The following KCNQ1OT1 variants were observed in gnomAD, a reference collection of about 807,000 sequenced individuals.
KCNQ1OT1 encodes the protein KCNQ1 antisense RNA 2 (non-protein coding).
exon 1 of KCNQ1OT1, chr11:2,637,598 T>G (rs1458434893): frequency 6.6e-6 from 1 of 152,226 alleles, no homozygotes; most frequent in Admixed American, 6.5e-5. Context: ...AGTGCTTTAC[T>G]TCCAATTATG....
exon 1 of KCNQ1OT1, chr11:2,684,177 C>T (rs1351781046): frequency 2.5e-6 from 1 of 398,502 alleles, no homozygotes; most frequent in Non-Finnish European, 4.4e-6. Flanking sequence ...AGAGAAGCGC[C>T]CACTGGGGCT....
Position 2,676,551 on chromosome 11 carries a change from C to A in KCNQ1OT1, n.23444G>T. ...ATAGAGGTAGTGGTACAGGAAAGGT[C>A]TAAGAAGGCTAAGGACCATCATACT... On this transcript the variant is annotated non_coding_transcript_exon_variant, in exon 1 of 1. Coordinates refer to ENST00000597346, the Ensembl canonical transcript of KCNQ1OT1. This position sits in a 1 kb window ranked among gnomAD's most constrained non-coding sequence, Gnocchi z 4.2. The A allele has an allele frequency of 2.5e-6, 1 of 398,602 alleles. No individual in the cohort carries two copies. Among genetic ancestry groups the A allele is most frequent in the Non-Finnish European group, 4.4e-6 (1 of 226,066 alleles). 24.7% of individuals were successfully genotyped at this position (398,602 alleles called of 1,614,324 possible).
Position 2,687,158 on chromosome 11 carries a change from C to T in KCNQ1OT1, n.12837G>A, listed in dbSNP as rs960248508. On this transcript the variant is annotated non_coding_transcript_exon_variant, in exon 1 of 1. Coordinates refer to ENST00000597346, the Ensembl canonical transcript of KCNQ1OT1. This position sits in a 1 kb window ranked among gnomAD's most constrained non-coding sequence, Gnocchi z 5.0. ...GAGGAATCTGAGCCAGCTTCCTCCA[C>T]AAAGCACAGAAGTCTGCCAAAAGCC... 6 of 398,532 alleles carry T rather than the reference C, an allele frequency of 1.5e-5. No homozygotes were observed. Among genetic ancestry groups the T allele is most frequent in the Non-Finnish European group, 2.2e-5 (5 of 226,094 alleles). The allele number at this position is 398,532 out of a possible 1,614,324, so 24.7% of individuals were successfully genotyped here. A position where few individuals can be genotyped will look rare whatever the true frequency, so the allele number is the denominator to read the frequency against.
chr11:2,669,771 G>C lies in KCNQ1OT1; in HGVS notation n.30224C>G. 1 of 398,662 alleles carries C rather than the reference G, an allele frequency of 2.5e-6. No individual in the cohort carries two copies. The allele number at this position is 398,662 out of a possible 1,614,324, so 24.7% of individuals were successfully genotyped here. ...AGCATAGAATGTCTCTTTGTGATGGGAGATCCTGTGGGGACATTCCTTATT... is the reference window on the plus strand; with the variant it reads ...AGCATAGAATGTCTCTTTGTGATGGCAGATCCTGTGGGGACATTCCTTATT... On this transcript the variant is annotated non_coding_transcript_exon_variant, in exon 1 of 1. Transcript: ENST00000597346. The surrounding 1 kb of genome is among the most constrained non-coding windows in gnomAD (Gnocchi z 5.6).
At chr11:2,643,556 C>T (rs1473364577) in exon 1 of KCNQ1OT1, 14 of 398,334 alleles carry the variant, frequency 3.5e-5, no homozygotes, top group African/African-American at 4.1e-5. Flanking sequence ...AGGTGAGATG[C>T]GTTTCTTGTA....
exon 1 of KCNQ1OT1, chr11:2,693,909 C>T (rs1850630675): frequency 5.0e-6 from 2 of 398,670 alleles, no homozygotes; most frequent in Non-Finnish European, 4.4e-6. Flanking sequence ...CTGGAGTGTA[C>T]TGCAAACCTG....
rs1850651600 is a variant in KCNQ1OT1, at chr11:2,695,056, A to G, written n.4939T>C. On this transcript the variant is annotated non_coding_transcript_exon_variant, in exon 1 of 1. Transcript: ENST00000597346. This position sits in a 1 kb window ranked among gnomAD's most constrained non-coding sequence, Gnocchi z 5.2. ...GCAGGGCAGATCTTGTAAAAACCTG[A>G]TGGAATTTGAATTTTATTTCCTAGA... is the stretch of plus-strand genomic sequence containing the variant. The G allele has an allele frequency of 2.5e-6, 1 of 398,620 alleles. No individual in the cohort carries two copies. The highest frequency in any genetic ancestry group is 4.4e-6 in the Non-Finnish European group (1 of 226,062). 24.7% of individuals were successfully genotyped at this position (398,620 alleles called of 1,614,324 possible).
chr11:2,615,032 T>A, exon 1 of KCNQ1OT1: 1 of 398,382 alleles, frequency 2.5e-6, no homozygotes, highest in Admixed American at 4.4e-5. Context: ...GAACACAGGA[T>A]GTATAGTTCT....
Position 2,623,527 on chromosome 11 carries a change from GT to G in KCNQ1OT1, n.76467del, listed in dbSNP as rs79191840. On this transcript the variant is annotated non_coding_transcript_exon_variant, in exon 1 of 1. Coordinates refer to ENST00000597346, the Ensembl canonical transcript of KCNQ1OT1. The surrounding 1 kb of genome is among the most constrained non-coding windows in gnomAD (Gnocchi z 5.2). ...TATGATTGGAATCATACAGTATGTA[GT>G]TTCTTCAGATTGCCTTATTTCACAT... 3.0e-3 allele frequency: 1,199 copies of G among 398,534 alleles called. 23 individuals carry two copies. In the East Asian group the frequency reaches 0.039, roughly 13 times the overall value. The allele number at this position is 398,534 out of a possible 1,614,324, so 24.7% of individuals were successfully genotyped here. A position where few individuals can be genotyped will look rare whatever the true frequency, so the allele number is the denominator to read the frequency against.
rs1211149460 is a variant in KCNQ1OT1 at position 2,613,292 on chromosome 11, C to T, written n.86703G>A. 1 of 398,442 alleles carries T rather than the reference C, an allele frequency of 2.5e-6. No individual in the cohort carries two copies. Among genetic ancestry groups the T allele is most frequent in the African/African-American group, 2.1e-5 (1 of 48,610 alleles). 24.7% of individuals were successfully genotyped at this position (398,442 alleles called of 1,614,324 possible). A position where few individuals can be genotyped will look rare whatever the true frequency, so the allele number is the denominator to read the frequency against. On this transcript the variant is annotated non_coding_transcript_exon_variant, in exon 1 of 1. Coordinates refer to ENST00000597346, the Ensembl canonical transcript of KCNQ1OT1. This position sits in a 1 kb window ranked among gnomAD's most constrained non-coding sequence, Gnocchi z 4.8. ...TGATCTCTCCTGCAAGCATGTACAA[C>T]TTCCATATCTCCAGAATTCCTTTTA... is the stretch of plus-strand genomic sequence containing the variant.
chr11:2,672,075 C>G (rs1027937266), exon 1 of KCNQ1OT1: 3 of 398,598 alleles, frequency 7.5e-6, no homozygotes, highest in Admixed American at 4.4e-5. Context: ...GGTCCCTGGT[C>G]TGGACTGAGC....
rs560912344 is a variant in KCNQ1OT1, at chr11:2,623,355, C to T, written n.76640G>A. ...ATGTATCTACCATTATAGTATCATA[C>T]AGATACGTATATTTACATATATTTG... On this transcript the variant is annotated non_coding_transcript_exon_variant, in exon 1 of 1. Coordinates refer to ENST00000597346, the Ensembl canonical transcript of KCNQ1OT1. This position sits in a 1 kb window ranked among gnomAD's most constrained non-coding sequence, Gnocchi z 5.2. 36 of 398,610 alleles carry T rather than the reference C, an allele frequency of 9.0e-5. No individual in the cohort carries two copies. The highest frequency in any genetic ancestry group is 1.3e-4 in the Non-Finnish European group (30 of 226,058). The allele number at this position is 398,610 out of a possible 1,614,324, so 24.7% of individuals were successfully genotyped here. A position where few individuals can be genotyped will look rare whatever the true frequency, so the allele number is the denominator to read the frequency against.
At chr11:2,633,673 G>A (rs1201127227) in exon 1 of KCNQ1OT1, 2 of 398,362 alleles carry the variant, frequency 5.0e-6, no homozygotes, top group Non-Finnish European at 8.8e-6. Context: ...CCAGTTGTCT[G>A]TAAATAAATT....
At position 2,627,703 on chromosome 11, in the gene KCNQ1OT1, T is replaced by C. The variant is rs1012412810; in HGVS notation, n.72292A>G. 2 of 398,444 alleles carry C rather than the reference T, an allele frequency of 5.0e-6. No homozygotes were observed. The highest frequency in any genetic ancestry group is 8.8e-6 in the Non-Finnish European group (2 of 226,046). 24.7% of individuals were successfully genotyped at this position (398,444 alleles called of 1,614,324 possible). On this transcript the variant is annotated non_coding_transcript_exon_variant, in exon 1 of 1. Transcript: ENST00000597346. This position sits in a 1 kb window ranked among gnomAD's most constrained non-coding sequence, Gnocchi z 4.9. The stretch of plus-strand genomic sequence containing the variant: ...GTGTGTGTGTGTCTGTATGTATATG[T>C]ATGTGATGTGTTTATTTGGGAATTT...
rs955857090 is a variant in KCNQ1OT1 at position 2,658,864 on chromosome 11, T to C, written n.41131A>G. 5 of 398,476 alleles carry C rather than the reference T, an allele frequency of 1.3e-5. No individual in the cohort carries two copies. Among genetic ancestry groups the C allele is most frequent in the African/African-American group, 1.0e-4 (5 of 48,620 alleles). 24.7% of individuals were successfully genotyped at this position (398,476 alleles called of 1,614,324 possible). The stretch of plus-strand genomic sequence containing the variant: ...GAAACCTGGCTCCCATTACCTACAG[T>C]TCATTTACTTATTTGTGTAACCCTA... On this transcript the variant is annotated non_coding_transcript_exon_variant, in exon 1 of 1. Coordinates refer to ENST00000597346, the Ensembl canonical transcript of KCNQ1OT1. This position sits in a 1 kb window ranked among gnomAD's most constrained non-coding sequence, Gnocchi z 4.9.
chr11:2,632,223 T>A, exon 1 of KCNQ1OT1: 1 of 398,168 alleles, frequency 2.5e-6, no homozygotes, highest in Non-Finnish European at 4.4e-6. Flanking sequence ...CTGAATTTTG[T>A]GTACTGACTT....
Position 2,659,806 on chromosome 11 carries a change from G to A in KCNQ1OT1, n.40189C>T. 2.5e-6 allele frequency: 1 copy of A among 398,272 alleles called. No homozygotes were observed. The highest frequency in any genetic ancestry group is 4.4e-6 in the Non-Finnish European group (1 of 225,960). 24.7% of individuals were successfully genotyped at this position (398,272 alleles called of 1,614,324 possible). ...TTTTTTTAATTTATGGAATTTCATTGTGATTCTAATTTGCATTTCCATATT... is the reference window on the plus strand; with the variant it reads ...TTTTTTTAATTTATGGAATTTCATTATGATTCTAATTTGCATTTCCATATT... On this transcript the variant is annotated non_coding_transcript_exon_variant, in exon 1 of 1. Transcript: ENST00000597346. The surrounding 1 kb of genome is among the most constrained non-coding windows in gnomAD (Gnocchi z 4.3).
At position 2,653,685 on chromosome 11, in the gene KCNQ1OT1, G is replaced by A; in HGVS notation, n.46310C>T. ...CACCAGCTTGCATTCAACAGCTCAG[G>A]AAGCCCAGCAGAACGAGGTCATCTC... On this transcript the variant is annotated non_coding_transcript_exon_variant, in exon 1 of 1. Transcript: ENST00000597346. The surrounding 1 kb of genome is among the most constrained non-coding windows in gnomAD (Gnocchi z 5.3). 2.5e-6 allele frequency: 1 copy of A among 398,690 alleles called. No homozygotes were observed. Among genetic ancestry groups the A allele is most frequent in the Non-Finnish European group, 4.4e-6 (1 of 226,122 alleles). The allele number at this position is 398,690 out of a possible 1,614,324, so 24.7% of individuals were successfully genotyped here.
chr11:2,621,038 C>T lies in KCNQ1OT1; in HGVS notation n.78957G>A, dbSNP rs759730245. The T allele has an allele frequency of 1.8e-4, 73 of 396,218 alleles. No homozygotes were observed. The highest frequency in any genetic ancestry group is 3.3e-4 in the African/African-American group (16 of 48,410). 24.5% of individuals were successfully genotyped at this position (396,218 alleles called of 1,614,324 possible). A position where few individuals can be genotyped will look rare whatever the true frequency, so the allele number is the denominator to read the frequency against. On this transcript the variant is annotated non_coding_transcript_exon_variant, in exon 1 of 1. Transcript: ENST00000597346. The surrounding 1 kb of genome is among the most constrained non-coding windows in gnomAD (Gnocchi z 5.7). ...TGTCTCCCAGGCTGGAGTGCAGTGG[C>T]GCAATCTCGGCTCACTGCAACCTCC... is the stretch of plus-strand genomic sequence containing the variant.
Sources: gnomAD v4.1 joint callset for allele counts on GRCh38, gnomAD v4.1.1 for gene constraint, Gnocchi (gnomAD v3.1) non-coding constraint, MANE v1.5 for transcripts, NCBI Gene and HGNC (gene_info 2026-07-23, HGNC 2026-07-21) for gene names.